The following MTHFD1 variants were observed in gnomAD, a reference collection of about 807,000 sequenced individuals.
MTHFD1 encodes methylenetetrahydrofolate dehydrogenase, cyclohydrolase and formyltetrahydrofolate synthetase 1, also known as C-1-tetrahydrofolate synthase, cytoplasmic.
Under a neutral mutation model 110.3 loss-of-function variants are expected in MTHFD1, and 44 were observed. That is an observed-to-expected ratio of 0.40 (90% confidence interval 0.31 to 0.51). The LOEUF is 0.51. Among genes scored for constraint, MTHFD1 ranks in the 20% least tolerant of loss-of-function variants. The pLI, the probability that MTHFD1 is intolerant of heterozygous loss-of-function variation, is 0.60. For missense variants in MTHFD1, 909 were observed against 1,173.1 expected, an observed-to-expected ratio of 0.77 and a Z score of 3.29; for synonymous variants, 402 against 428.8, an observed-to-expected ratio of 0.94 and a Z score of 0.77.
At chr14:64,449,839 A>G (rs1403325004) in intron 24 of MTHFD1, among the ~76,000 whole-genome samples, 1 of 152,212 alleles carries the variant, frequency 6.6e-6, no homozygotes, top group Non-Finnish European at 1.5e-5. Flanking sequence ...CCCAGGCTCG[A>G]GTGCAGAGGC....
intron 22 of MTHFD1, 67 bp downstream of exon 22, chr14:64,444,801 C>T: frequency 6.4e-7 from 1 of 1,554,956 alleles, no homozygotes; most frequent in Non-Finnish European, 8.9e-7. Flanking sequence ...ATTTCTCCAC[C>T]TGGCCCATGT....
intron 7 of MTHFD1, chr14:64,419,171 T>A (rs2078050410): frequency 1.2e-5 from 2 of 161,420 alleles, no homozygotes; most frequent in African/African-American, 4.8e-5. Context: ...CACCAAGTAC[T>A]TTCTACCCTA....
At chr14:64,457,302 G>A (rs2078490537) in intron 26 of MTHFD1, among the ~76,000 whole-genome samples, 1 of 152,182 alleles carries the variant, frequency 6.6e-6, no homozygotes, top group Non-Finnish European at 1.5e-5. Context: ...CGTGAGCTGA[G>A]GAGGCGAGTG....
In MTHFD1 at chr14:64,388,482, A is replaced by ATTGTTG; in HGVS notation, c.41+18_41+23dup. On this transcript the variant is annotated intron_variant, in intron 1 of 27. Coordinates refer to ENST00000652337, the MANE Select transcript of MTHFD1 (RefSeq NM_005956.4). Reference sequence around the variant, plus strand: ...GGAGATCTCCGCGTAAGCACCTGACATTGTTGTTGAGTGTGGGGCTGTGGA... The same window carrying ATTGTTG: ...GGAGATCTCCGCGTAAGCACCTGACATTGTTGTTGTTGTTGAGTGTGGGGCTGTGGA... 1 of 1,612,134 alleles carries ATTGTTG rather than the reference A, an allele frequency of 6.2e-7. No individual in the cohort carries two copies. Among genetic ancestry groups the ATTGTTG allele is most frequent in the South Asian group, 1.1e-5 (1 of 91,000 alleles).
chr14:64,420,062 T>A, intron 8 of MTHFD1, 137 bp downstream of exon 8: 1 of 735,090 alleles, frequency 1.4e-6, no homozygotes, highest in Non-Finnish European at 2.4e-6. Flanking sequence ...AGCCCAAGGG[T>A]GCACAGAGTT....
chr14:64,420,170 A>T (rs993622860), intron 8 of MTHFD1, among the ~76,000 whole-genome samples: 2 of 152,150 alleles, frequency 1.3e-5, no homozygotes, highest in Admixed American at 1.3e-4. Context: ...GACTTTGTCC[A>T]GGGAGAAAGT....
At chr14:64,454,479 T>C (rs1443905056) in intron 25 of MTHFD1, among the ~76,000 whole-genome samples, 1 of 151,970 alleles carries the variant, frequency 6.6e-6, no homozygotes, top group African/African-American at 2.4e-5. Flanking sequence ...GTTATTTCCA[T>C]AGATGGAAAT....
chr14:64,410,633 G>A (rs944992328), intron 2 of MTHFD1, among the ~76,000 whole-genome samples: 2 of 152,116 alleles, frequency 1.3e-5, no homozygotes, highest in Non-Finnish European at 1.5e-5. Context: ...TCTGTGTGGC[G>A]GGGCCAGGGA....
intron 11 of MTHFD1, among the ~76,000 whole-genome samples, chr14:64,426,803 C>T (rs770938559): frequency 2.0e-5 from 3 of 152,052 alleles, no homozygotes; most frequent in Admixed American, 6.6e-5. Flanking sequence ...TTCATTAATT[C>T]GATGGATTTA....
intron 2 of MTHFD1, among the ~76,000 whole-genome samples, chr14:64,401,089 G>C (rs989061234): frequency 6.6e-6 from 1 of 151,652 alleles, no homozygotes; most frequent in South Asian, 2.1e-4. Flanking sequence ...CCTTTCTCTA[G>C]GCCAGTGTCT....
intron 23 of MTHFD1, chr14:64,448,522 C>T: frequency 1.7e-6 from 1 of 585,946 alleles, no homozygotes; most frequent in East Asian, 3.0e-5. Context: ...AGATTCAGCT[C>T]CTATGGGCCC....
intron 21 of MTHFD1, among the ~76,000 whole-genome samples, chr14:64,442,898 G>A (rs2078259743): frequency 6.6e-6 from 1 of 152,062 alleles, no homozygotes; most frequent in Non-Finnish European, 1.5e-5. Context: ...CTGGGTAACA[G>A]AGAAACAGGT....
At position 64,425,743 on chromosome 14, in the gene MTHFD1, G is replaced by A. The variant is rs1362746538; in HGVS notation, c.869G>A (p.Ser290Asn). ...VAMLMQSTVE[S>N]AKRFLEKFKP... Reference sequence around the variant, plus strand: ...CATTTTGCTTAGAGCACAGTAGAGAGTGCCAAGCGTTTCCTGGAGAAATTT... The same window carrying A: ...CATTTTGCTTAGAGCACAGTAGAGAATGCCAAGCGTTTCCTGGAGAAATTT... The change falls in exon 10 of 28, where the codon AGT becomes AAT. Residue 290 changes from serine (S) to asparagine (N), a missense_variant. Physicochemically the swap from Ser to Asn is conservative, Grantham distance 46 (BLOSUM62 1). Coordinates refer to ENST00000652337, the MANE Select transcript of MTHFD1 (RefSeq NM_005956.4). 6.2e-7 allele frequency: 1 copy of A among 1,612,702 alleles called. No homozygotes were observed. Among genetic ancestry groups the A allele is most frequent in the Non-Finnish European group, 8.5e-7 (1 of 1,179,858 alleles).
chr14:64,448,416 C>A, intron 23 of MTHFD1, 99 bp downstream of exon 23: 1 of 959,314 alleles, frequency 1.0e-6, no homozygotes, highest in Non-Finnish European at 1.7e-6. Flanking sequence ...TCAGTTACTG[C>A]TATTGGTTAT....
chr14:64,443,320 A>G (rs2078262909), intron 21 of MTHFD1, among the ~76,000 whole-genome samples: 1 of 152,186 alleles, frequency 6.6e-6, no homozygotes, highest in Admixed American at 6.5e-5. Context: ...AAACATAAAG[A>G]ACTTTGTAAA....
At chr14:64,398,628 C>A (rs554053867) in intron 1 of MTHFD1, among the ~76,000 whole-genome samples, 6 of 152,188 alleles carry the variant, frequency 3.9e-5, no homozygotes, top group Non-Finnish European at 8.8e-5. Context: ...TACCATTCAA[C>A]ATTCTTGATG....
chr14:64,389,704 G>A (rs1179245746), intron 1 of MTHFD1, among the ~76,000 whole-genome samples: 6 of 149,684 alleles, frequency 4.0e-5, no homozygotes, highest in South Asian at 2.1e-4. Flanking sequence ...GCGAAACTCC[G>A]TCTAAGAAAA....
chr14:64,454,391 G>T (rs1277594190), intron 25 of MTHFD1, among the ~76,000 whole-genome samples: 1 of 152,096 alleles, frequency 6.6e-6, no homozygotes, highest in African/African-American at 2.4e-5. Flanking sequence ...GGAATTTATA[G>T]GCATGAACCA....
intron 1 of MTHFD1, among the ~76,000 whole-genome samples, chr14:64,391,868 G>A (rs2077808357): frequency 6.6e-6 from 1 of 152,158 alleles, no homozygotes; most frequent in Non-Finnish European, 1.5e-5. Flanking sequence ...AAAGCTCTGA[G>A]AGTCTAATAG....
Sources: allele counts gnomAD v4.1 joint callset (sites outside exome capture counted in the v4.1 genomes callset), GRCh38; gene constraint gnomAD v4.1.1; transcripts MANE v1.5; gene names NCBI Gene and HGNC (gene_info 2026-07-23, HGNC 2026-07-21).